Variants in DYM observed in about 807,000 individuals in gnomAD.
The protein encoded by DYM is dymeclin, also known as dyggve-Melchior-Clausen syndrome protein.
A neutral mutation model predicts 93.1 loss-of-function variants in DYM; 78 were observed. That is an observed-to-expected ratio of 0.84 (90% CI 0.70 to 1.01). The LOEUF (loss-of-function observed/expected upper bound fraction) is 1.01, where lower values mean the gene tolerates loss of function less well. DYM is among the 50% of genes least tolerant of loss of function. DYM has a pLI of 0.00. For synonymous variants in DYM, 321 were observed against 319.7 expected, an observed-to-expected ratio of 1.00 and a Z score of -0.04; for missense variants, 789 against 845.0, an observed-to-expected ratio of 0.93 and a Z score of 0.82.
intron 13 of DYM, among the ~76,000 whole-genome samples, chr18:49,243,440 G>A (rs2094082816): frequency 6.6e-6 from 1 of 152,072 alleles, no homozygotes; most frequent in African/African-American, 2.4e-5. Flanking sequence ...CAAGGATGGT[G>A]GATCACTTGA....
At chr18:49,159,929 C>T (rs2086894357) in intron 15 of DYM, among the ~76,000 whole-genome samples, 1 of 152,064 alleles carries the variant, frequency 6.6e-6, no homozygotes, top group Non-Finnish European at 1.5e-5. Flanking sequence ...GCATTCATAA[C>T]TGATTTATTA....
At chr18:49,133,446 T>C (rs1442138800) in intron 15 of DYM, among the ~76,000 whole-genome samples, 1 of 152,210 alleles carries the variant, frequency 6.6e-6, no homozygotes, top group Non-Finnish European at 1.5e-5. Flanking sequence ...GACATTCAGA[T>C]AGGTTTGGTT....
chr18:49,216,306 C>G (rs995880630), intron 13 of DYM, among the ~76,000 whole-genome samples: 1 of 152,214 alleles, frequency 6.6e-6, no homozygotes, highest in Non-Finnish European at 1.5e-5. Context: ...CCTTTGTAGG[C>G]TCCACCTCTG....
chr18:49,154,349 T>A (rs2086146838), intron 15 of DYM, among the ~76,000 whole-genome samples: 1 of 152,150 alleles, frequency 6.6e-6, no homozygotes, highest in African/African-American at 2.4e-5. Context: ...CATGATCATG[T>A]AAGATATTAG....
At chr18:49,345,752 T>C (rs957083015) in intron 6 of DYM, among the ~76,000 whole-genome samples, 13 of 152,072 alleles carry the variant, frequency 8.5e-5, no homozygotes, top group African/African-American at 2.9e-4. Context: ...TGTTAAAAAG[T>C]CATCATGATA....
intron 1 of DYM, among the ~76,000 whole-genome samples, chr18:49,448,031 T>C (rs966507521): frequency 2.6e-5 from 4 of 152,096 alleles, no homozygotes; most frequent in African/African-American, 9.7e-5. Context: ...GAAATAGGAA[T>C]CCTCTCCATG....
intron 13 of DYM, among the ~76,000 whole-genome samples, chr18:49,253,345 G>A (rs1044800874): frequency 2.0e-5 from 3 of 152,118 alleles, no homozygotes; most frequent in African/African-American, 4.8e-5. Flanking sequence ...TTTTTGTCAT[G>A]CATCCCTTAT....
At chr18:49,446,743 G>A (rs1210703574) in intron 1 of DYM, among the ~76,000 whole-genome samples, 3 of 152,140 alleles carry the variant, frequency 2.0e-5, no homozygotes, top group Admixed American at 6.5e-5. Flanking sequence ...CCAAGGGAAA[G>A]CTTCCAAGAG....
intron 14 of DYM, among the ~76,000 whole-genome samples, chr18:49,176,885 A>AT (rs527950798): frequency 2.0e-5 from 3 of 152,122 alleles, no homozygotes; most frequent in African/African-American, 7.2e-5. Context: ...TGAAAGTCTA[A>AT]TTTTTTATAA....
At chr18:49,098,229 G>A (rs1407089784) in intron 16 of DYM, among the ~76,000 whole-genome samples, 2 of 152,066 alleles carry the variant, frequency 1.3e-5, no homozygotes, top group Admixed American at 6.6e-5. Context: ...AAATTCAAGA[G>A]AATAACATTT....
intron 8 of DYM, among the ~76,000 whole-genome samples, chr18:49,297,319 A>C (rs2060624474): frequency 6.6e-6 from 1 of 152,228 alleles, no homozygotes; most frequent in South Asian, 2.1e-4. Context: ...CAAATAAACG[A>C]AGTAAAACAC....
At chr18:49,356,943 A>G (rs1348870773) in intron 6 of DYM, among the ~76,000 whole-genome samples, 3 of 152,144 alleles carry the variant, frequency 2.0e-5, no homozygotes, top group Non-Finnish European at 4.4e-5. Context: ...ATTCTTTTTT[A>G]TATCTCAATA....
At chr18:49,259,369 A>C (rs2094454637) in intron 11 of DYM, among the ~76,000 whole-genome samples, 2 of 152,234 alleles carry the variant, frequency 1.3e-5, no homozygotes, top group South Asian at 4.1e-4. Context: ...GTGCACATGA[A>C]ATACAGAGGA....
At chr18:49,073,017 GC>G (rs2077013869) in intron 17 of DYM, among the ~76,000 whole-genome samples, 1 of 152,076 alleles carries the variant, frequency 6.6e-6, no homozygotes, top group South Asian at 2.1e-4. Context: ...AATATCCTTG[GC>G]ATTCAGTTTT....
intron 15 of DYM, among the ~76,000 whole-genome samples, chr18:49,156,102 T>G (rs2086386470): frequency 6.6e-6 from 1 of 152,198 alleles, no homozygotes; most frequent in African/African-American, 2.4e-5. Context: ...ATGTGTGAAG[T>G]GGTATCTCAT....
chr18:49,053,670 T>C (rs571576358), intron 17 of DYM, among the ~76,000 whole-genome samples: 2 of 152,290 alleles, frequency 1.3e-5, no homozygotes, highest in African/African-American at 2.4e-5. Flanking sequence ...TGTCGTAAAA[T>C]AGCAGAGGAC....
At chr18:49,086,602 C>G (rs916309357) in intron 17 of DYM, among the ~76,000 whole-genome samples, 2 of 152,142 alleles carry the variant, frequency 1.3e-5, no homozygotes, top group Non-Finnish European at 2.9e-5. Context: ...TATGTGGAAT[C>G]CTAATCTCCA....
chr18:49,266,621 A>G (rs2094574163), intron 11 of DYM, among the ~76,000 whole-genome samples: 1 of 152,204 alleles, frequency 6.6e-6, no homozygotes, highest in Admixed American at 6.5e-5. Context: ...CAACTTAAAT[A>G]AAAAGAAGAA....
intron 16 of DYM, among the ~76,000 whole-genome samples, chr18:49,117,075 T>A (rs2081981457): frequency 6.6e-6 from 1 of 152,210 alleles, no homozygotes; most frequent in Non-Finnish European, 1.5e-5. Flanking sequence ...TGTCAAAGTT[T>A]GATTCTTAAA....
Sources: gnomAD v4.1 joint callset for allele counts (sites outside exome capture counted in the v4.1 genomes callset) on GRCh38, gnomAD v4.1.1 for gene constraint, MANE v1.5 for transcripts, NCBI Gene and HGNC (gene_info 2026-07-23, HGNC 2026-07-21) for gene names.